Variants in WWOX observed in about 807,000 individuals in gnomAD.
WWOX encodes WW domain-containing oxidoreductase.
WWOX carries 69 observed loss-of-function variants against 46.2 expected under a neutral mutation model. That is an observed-to-expected ratio of 1.49 (90% CI 1.23 to 1.82). The LOEUF is 1.82. Among genes scored for constraint, WWOX ranks in the 40% most tolerant of loss-of-function variants. The pLI, the probability that WWOX is intolerant of heterozygous loss-of-function variation, is 0.00. For missense variants in WWOX, 919 were observed against 542.6 expected (o/e 1.69, Z -6.89); for synonymous variants, 359 against 202.6 (o/e 1.77, Z -6.56).
At chr16:78,192,035 C>G (rs189189752) in intron 5 of WWOX, among the ~76,000 whole-genome samples, 1 of 152,220 alleles carries the variant, frequency 6.6e-6, no homozygotes, top group East Asian at 1.9e-4. Context: ...GTTAGCCTCT[C>G]TGTGTTTCTA....
intron 8 of WWOX, among the ~76,000 whole-genome samples, chr16:78,517,548 A>G (rs1489762858): frequency 6.6e-6 from 1 of 152,192 alleles, no homozygotes; most frequent in Non-Finnish European, 1.5e-5. Flanking sequence ...GGGGATACAA[A>G]TGGATTTGAA....
chr16:78,290,138 A>G (rs139445342), intron 5 of WWOX, among the ~76,000 whole-genome samples: 19 of 152,186 alleles, frequency 1.2e-4, no homozygotes, highest in African/African-American at 4.6e-4. Context: ...TCTTTAGTGC[A>G]TTGCTACTTG....
intron 8 of WWOX, among the ~76,000 whole-genome samples, chr16:79,096,996 G>A (rs554080655): frequency 6.6e-6 from 1 of 152,202 alleles, no homozygotes; most frequent in South Asian, 2.1e-4. Flanking sequence ...TGTCATTCGT[G>A]GGTTTTGCAA....
chr16:79,031,790 C>CTA lies in WWOX; in HGVS notation c.1057-179811_1057-179810dup, dbSNP rs201042809. Among the ~76,000 whole-genome samples the CTA allele has an allele frequency of 8.2e-4, 109 of 132,998 alleles. 2 individuals carry two copies. In the East Asian group the frequency reaches 0.023, roughly 28 times the overall value. The allele number at this position is 132,998 out of a possible 152,430, so 87.3% of individuals were successfully genotyped here. On this transcript the variant is annotated intron_variant, in intron 8 of 8. Transcript: ENST00000566780. ...TATAATATATAGAAAGATATATAAT[C>CTA]TATATATAGATATCTATATAATATA...
chr16:78,642,743 C>T (rs1184700774), intron 8 of WWOX, among the ~76,000 whole-genome samples: 1 of 151,970 alleles, frequency 6.6e-6, no homozygotes, highest in African/African-American at 2.4e-5. Flanking sequence ...TGTGGGTGCA[C>T]ATCAGGATAC....
rs2048748835 is a variant in WWOX at position 78,723,597 on chromosome 16, C to CTT, written c.1056+290848_1056+290849dup. The stretch of plus-strand genomic sequence containing the variant: ...CTTTTCTTTTCTTTTCTTTTCTTTT[C>CTT]TTTTCTTTTCTTTTCTTTTCTTTTC... On this transcript the variant is annotated intron_variant, in intron 8 of 8. Transcript: ENST00000566780. 3.4e-3 allele frequency among the ~76,000 whole-genome samples: 88 copies of CTT among 26,094 alleles called. 2 individuals are homozygous for CTT. Among genetic ancestry groups the CTT allele is most frequent in the African/African-American group, 0.019 (69 of 3,660 alleles). 17.1% of individuals were successfully genotyped at this position (26,094 alleles called of 152,430 possible). A position where few individuals can be genotyped will look rare whatever the true frequency, so the allele number is the denominator to read the frequency against.
At chr16:78,658,636 C>G (rs1368568984) in intron 8 of WWOX, among the ~76,000 whole-genome samples, 1 of 152,122 alleles carries the variant, frequency 6.6e-6, no homozygotes, top group Non-Finnish European at 1.5e-5. Flanking sequence ...GCAGCAGAAC[C>G]CCAGTCTCCG....
chr16:78,535,446 A>G (rs560410192), intron 8 of WWOX: 16 of 152,344 alleles, frequency 1.1e-4, no homozygotes, highest in African/African-American at 4.8e-5. Flanking sequence ...AAGAGAAGGC[A>G]AGAGAGGAAT....
chr16:78,859,892 G>A (rs970190494), intron 8 of WWOX, among the ~76,000 whole-genome samples: 1 of 152,098 alleles, frequency 6.6e-6, no homozygotes, highest in East Asian at 1.9e-4. Context: ...CTTATAAACA[G>A]GTGGTTTCCA....
At chr16:79,076,381 C>G (rs181683183) in intron 8 of WWOX, among the ~76,000 whole-genome samples, 2 of 152,210 alleles carry the variant, frequency 1.3e-5, no homozygotes, top group Non-Finnish European at 2.9e-5. Flanking sequence ...ACAAAGTGTT[C>G]ATTCTCACCC....
At chr16:79,148,642 C>T (rs559748575) in intron 8 of WWOX, among the ~76,000 whole-genome samples, 2 of 152,286 alleles carry the variant, frequency 1.3e-5, no homozygotes, top group African/African-American at 2.4e-5. Context: ...ATAGGTCTAA[C>T]ATTAAACCTA....
At chr16:78,616,641 T>G (rs2046032417) in intron 8 of WWOX, among the ~76,000 whole-genome samples, 1 of 151,844 alleles carries the variant, frequency 6.6e-6, no homozygotes. Context: ...CGGTGGCTTG[T>G]GCTTGTAATC....
intron 8 of WWOX, among the ~76,000 whole-genome samples, chr16:78,784,154 G>C (rs1364454964): frequency 6.6e-6 from 1 of 152,104 alleles, no homozygotes; most frequent in Non-Finnish European, 1.5e-5. Context: ...CTATAAGTCA[G>C]TGCCATTGCT....
intron 8 of WWOX, among the ~76,000 whole-genome samples, chr16:78,560,605 TTA>T (rs2044412373): frequency 6.6e-6 from 1 of 152,116 alleles, no homozygotes; most frequent in Admixed American, 6.6e-5. Context: ...GATCACGCCA[TTA>T]TACTCCAGTC....
At chr16:78,383,301 A>G (rs1251338565) in intron 5 of WWOX, among the ~76,000 whole-genome samples, 2 of 152,080 alleles carry the variant, frequency 1.3e-5, no homozygotes, top group Non-Finnish European at 2.9e-5. Context: ...GTATGTATGT[A>G]AGATGTATAT....
intron 8 of WWOX, among the ~76,000 whole-genome samples, chr16:78,874,689 T>TTTC (rs200328707): frequency 0.013 from 1,810 of 140,808 alleles, 24 homozygotes; most frequent in African/African-American, 0.045. Context: ...TTTTTCTTTT[T>TTTC]TTTTTTTTTT....
At chr16:78,923,407 A>T (rs564472220) in intron 8 of WWOX, among the ~76,000 whole-genome samples, 4 of 152,288 alleles carry the variant, frequency 2.6e-5, no homozygotes, top group South Asian at 2.1e-4. Flanking sequence ...ATTTTCTTCT[A>T]TATAAGTCCC....
chr16:78,751,564 AAC>A lies in WWOX; in HGVS notation c.1056+318814_1056+318815del, dbSNP rs144437225. Among the ~76,000 whole-genome samples, 1,326 of 150,564 alleles carry A rather than the reference AAC, an allele frequency of 8.8e-3. 20 individuals carry two copies. Among genetic ancestry groups the A allele is most frequent in the African/African-American group, 0.031 (1,269 of 41,156 alleles). On this transcript the variant is annotated intron_variant, in intron 8 of 8. Coordinates refer to ENST00000566780, the MANE Select transcript of WWOX (RefSeq NM_016373.4). Reference sequence around the variant, plus strand: ...AAGACAAGGTGATACAGCATTTTAAAACAGTTTACTAAAAATAACAAAACATT... The same window carrying A: ...AAGACAAGGTGATACAGCATTTTAAAAGTTTACTAAAAATAACAAAACATT...
chr16:79,012,380 C>A (rs904051643), intron 8 of WWOX, among the ~76,000 whole-genome samples: 1 of 152,078 alleles, frequency 6.6e-6, no homozygotes, highest in Non-Finnish European at 1.5e-5. Context: ...TTACAGGTGT[C>A]TGCCACCACG....
Sources: gnomAD v4.1 joint callset for allele counts (sites outside exome capture counted in the v4.1 genomes callset) on GRCh38, gnomAD v4.1.1 for gene constraint, MANE v1.5 for transcripts, NCBI Gene and HGNC (gene_info 2026-07-23, HGNC 2026-07-21) for gene names.